DOP1B: variants seen among roughly 807,000 people sequenced by gnomAD.
DOP1B encodes the protein DOP1 leucine zipper like protein B.
DOP1B carries 174 observed loss-of-function variants against 233.5 expected under a neutral mutation model. The ratio of observed to expected loss-of-function variants is 0.75; its 90% CI spans 0.66 to 0.85. DOP1B has a LOEUF of 0.85. Ranked by LOEUF, DOP1B falls within the 40% of genes least tolerant of loss-of-function variation. The pLI is 0.00. For synonymous variants in DOP1B, 1,190 were observed against 1,185.6 expected (o/e 1.00, Z -0.08); for missense variants, 2,652 against 2,846.6 (o/e 0.93, Z 1.56).
chr21:36,195,063 G>T (rs111241057), intron 2 of DOP1B, among the ~76,000 whole-genome samples: 76 of 152,154 alleles, frequency 5.0e-4, no homozygotes, highest in African/African-American at 1.6e-3. Flanking sequence ...CAAAGATGCT[G>T]GGCATGATGG....
At chr21:36,205,715 A>C (rs2066418600) in intron 4 of DOP1B, among the ~76,000 whole-genome samples, 1 of 147,694 alleles carries the variant, frequency 6.8e-6, no homozygotes, top group African/African-American at 2.5e-5. Context: ...TTAAAAGTTT[A>C]GGGTTCCCAG....
intron 35 of DOP1B, 94 bp from the exon 36 acceptor site, chr21:36,292,006 AATAG>A: frequency 7.3e-7 from 1 of 1,364,170 alleles, no homozygotes; most frequent in Non-Finnish European, 9.9e-7. Flanking sequence ...GTCCATATTA[AATAG>A]ATACAGTATG....
At chr21:36,214,619 A>G in intron 9 of DOP1B, 63 bp downstream of exon 9, 1 of 1,393,560 alleles carries the variant, frequency 7.2e-7, no homozygotes, top group Non-Finnish European at 1.0e-6. Flanking sequence ...TCAGGGAAAT[A>G]CAACATGGTG....
At chr21:36,217,050 G>C (rs2066567614) in intron 9 of DOP1B, among the ~76,000 whole-genome samples, 1 of 138,784 alleles carries the variant, frequency 7.2e-6, no homozygotes, top group Admixed American at 7.7e-5. Flanking sequence ...ACTCCAGCCT[G>C]AGTGACAGAG....
At chr21:36,170,935 G>T (rs1055965900) in intron 2 of DOP1B, among the ~76,000 whole-genome samples, 2 of 152,318 alleles carry the variant, frequency 1.3e-5, no homozygotes, top group Admixed American at 6.5e-5. Flanking sequence ...CCACCTTGAA[G>T]AATTTGCAAG....
At chr21:36,232,752 C>CA in intron 14 of DOP1B, 52 bp from the exon 15 acceptor site, 1 of 1,605,140 alleles carries the variant, frequency 6.2e-7, no homozygotes, top group Non-Finnish European at 8.5e-7. Flanking sequence ...ACTGGGGACC[C>CA]ATTCTCACGT....
intron 1 of DOP1B, among the ~76,000 whole-genome samples, chr21:36,160,773 T>C (rs962398070): frequency 6.6e-6 from 1 of 152,172 alleles, no homozygotes; most frequent in Non-Finnish European, 1.5e-5. Context: ...CCACTGCACC[T>C]GGCCTTATTT....
At chr21:36,214,683 C>T in intron 9 of DOP1B, 127 bp downstream of exon 9, 1 of 895,870 alleles carries the variant, frequency 1.1e-6, no homozygotes. Context: ...AATTTCACAA[C>T]TTTGAAGTCA....
At chr21:36,288,472 C>T (rs1028623757) in intron 33 of DOP1B, among the ~76,000 whole-genome samples, 1 of 152,058 alleles carries the variant, frequency 6.6e-6, no homozygotes. Flanking sequence ...GTGGATGGAT[C>T]ACTTGAGCCC....
chr21:36,186,601 T>C (rs1002855346), intron 2 of DOP1B, among the ~76,000 whole-genome samples: 4 of 152,180 alleles, frequency 2.6e-5, no homozygotes, highest in Admixed American at 1.3e-4. Context: ...GAGTAGGTGA[T>C]GGTATATTTT....
Position 36,246,377 on chromosome 21 carries a change from C to T in DOP1B, c.4397C>T (p.Pro1466Leu). Residue 1466 changes from proline to leucine, a missense_variant, in exon 19 of 37, where the codon CCC (proline) becomes CTC (leucine). Coordinates refer to ENST00000691173, the MANE Select transcript of DOP1B (RefSeq NM_001320714.2). This position sits in a 1 kb window ranked among gnomAD's most constrained non-coding sequence, Gnocchi z 5.1. ...GCCCATGAGGAGGCGGAAAACCAGC[C>T]CGACCTGTCCCGGGAGTGGCAGAGA... Reference protein sequence around the residue: ...GRAHEEAENQPDLSREWQRAL... With the variant: ...GRAHEEAENQLDLSREWQRAL... 7 of 1,613,340 alleles carry T rather than the reference C, an allele frequency of 4.3e-6. No individual in the cohort carries two copies. Among genetic ancestry groups the T allele is most frequent in the Non-Finnish European group, 5.9e-6 (7 of 1,179,798 alleles).
chr21:36,169,365 C>A (rs1179349590), intron 2 of DOP1B: 14 of 812,220 alleles, frequency 1.7e-5, no homozygotes, highest in Non-Finnish European at 2.6e-5. Flanking sequence ...TGATGGTCGC[C>A]TTTCTGCCCA....
chr21:36,214,107 G>A lies in DOP1B; in HGVS notation c.931G>A (p.Val311Met), dbSNP rs545711530. The change falls in exon 8 of 37, where the codon GTG becomes ATG. Residue 311 changes from valine (V) to methionine (M), a missense_variant. Transcript: ENST00000691173. ...CTCAGACATAAAAGGAAATACCGTT[G>A]TGCCAGAATCTGAAATCTCAAATTC... ...LGSDIKGNTVVPESEISNSYE... is the reference protein window; with the variant it reads ...LGSDIKGNTVMPESEISNSYE... 1 of 1,613,930 alleles carries A rather than the reference G, an allele frequency of 6.2e-7. No homozygotes were observed. The highest frequency in any genetic ancestry group is 1.7e-5 in the Admixed American group (1 of 59,982).
chr21:36,287,983 G>A (rs746770640), intron 32 of DOP1B, 31 bp from the exon 33 acceptor site: 3 of 1,604,426 alleles, frequency 1.9e-6, no homozygotes, highest in Non-Finnish European at 2.5e-6. Context: ...CTGCATATTT[G>A]TGTAACATCT....
intron 23 of DOP1B, among the ~76,000 whole-genome samples, chr21:36,259,463 G>A (rs1384405335): frequency 6.6e-6 from 1 of 151,654 alleles, no homozygotes; most frequent in Admixed American, 6.6e-5. Context: ...AGTAGAGATG[G>A]GGTTTTGCCA....
At chr21:36,203,818 AC>A (rs1478976016) in intron 4 of DOP1B, among the ~76,000 whole-genome samples, 2 of 149,718 alleles carry the variant, frequency 1.3e-5, no homozygotes, top group East Asian at 3.9e-4. Context: ...CTTATTATCC[AC>A]CCTGGCTTTC....
At chr21:36,217,854 A>C (rs1008644416) in intron 9 of DOP1B, among the ~76,000 whole-genome samples, 1 of 152,230 alleles carries the variant, frequency 6.6e-6, no homozygotes, top group African/African-American at 2.4e-5. Flanking sequence ...GGAAGTATTA[A>C]AAGAAGAAAA....
intron 30 of DOP1B, 89 bp downstream of exon 30, chr21:36,278,444 A>G: frequency 7.0e-7 from 1 of 1,418,618 alleles, no homozygotes; most frequent in South Asian, 1.3e-5. Flanking sequence ...CCTGAAATAG[A>G]AGCAGAGCCA....
chr21:36,248,682 G>C, intron 21 of DOP1B, 114 bp downstream of exon 21: 1 of 1,027,432 alleles, frequency 9.7e-7, no homozygotes, highest in Non-Finnish European at 1.3e-6. Context: ...TGAAACCCAA[G>C]TCAGAGATCA....
Sources: allele counts gnomAD v4.1 joint callset (sites outside exome capture counted in the v4.1 genomes callset), GRCh38; gene constraint gnomAD v4.1.1; non-coding constraint Gnocchi (gnomAD v3.1); transcripts MANE v1.5; gene names NCBI Gene and HGNC (gene_info 2026-07-23, HGNC 2026-07-21).